Variants in COL4A5 observed in about 807,000 individuals in gnomAD.
The protein encoded by COL4A5 is collagen alpha-5(IV) chain.
Under a neutral mutation model 130.2 loss-of-function variants are expected in COL4A5, and 26 were observed. That is an observed-to-expected ratio of 0.20 (90% CI 0.15 to 0.28). COL4A5 has a LOEUF of 0.28. COL4A5 is among the 10% of genes least tolerant of loss of function. The probability of loss-of-function intolerance (pLI) is 1.00; values close to 1 mark genes in which losing one functional copy is unlikely to be tolerated. For missense variants in COL4A5, 1,131 were observed against 1,344.3 expected (o/e 0.84, Z 2.48); for synonymous variants, 496 against 439.6 (o/e 1.13, Z -1.60).
intron 49 of COL4A5, 83 bp downstream of exon 49, chrX:108,687,777 C>A: frequency 1.2e-6 from 1 of 863,411 alleles, no homozygotes; most frequent in Non-Finnish European, 1.7e-6. Flanking sequence ...TAGCCTTGGC[C>A]AAAGTGCCTC....
At chrX:108,529,428 C>T (rs1410422945) in intron 1 of COL4A5, among the ~76,000 whole-genome samples, 2 of 110,603 alleles carry the variant, frequency 1.8e-5, no homozygotes, top group Non-Finnish European at 3.8e-5. Context: ...AGGACTGAAG[C>T]GGTAACACTA....
At chrX:108,634,137 A>T (rs1368078736) in intron 36 of COL4A5, among the ~76,000 whole-genome samples, 1 of 109,668 alleles carries the variant, frequency 9.1e-6, no homozygotes, top group Non-Finnish European at 1.9e-5. Flanking sequence ...CTTGTCTCCC[A>T]GTGATAAAGC....
chrX:108,594,014 A>G (rs1453027818), intron 21 of COL4A5, among the ~76,000 whole-genome samples: 1 of 111,759 alleles, frequency 8.9e-6, no homozygotes, highest in Non-Finnish European at 1.9e-5. Flanking sequence ...TCCTATCCAG[A>G]TATAACTCTT....
chrX:108,573,471 T>G, intron 8 of COL4A5, 103 bp from the exon 9 acceptor site: 1 of 595,140 alleles, frequency 1.7e-6, no homozygotes, highest in Non-Finnish European at 3.0e-6. Flanking sequence ...AATCTTTTAG[T>G]ACATCTCTGT....
intron 1 of COL4A5, among the ~76,000 whole-genome samples, chrX:108,462,259 T>A (rs921553951): frequency 3.6e-5 from 4 of 111,861 alleles, no homozygotes; most frequent in Non-Finnish European, 3.8e-5. Context: ...TATTTTCTGT[T>A]ACCTACAGAG....
rs1237723315 is a variant in COL4A5, at chrX:108,581,398, G to A, written c.936+371G>A. Among the ~76,000 whole-genome samples the A allele has an allele frequency of 6.3e-5, 7 of 111,461 alleles. No homozygotes were observed. In the East Asian group the frequency reaches 2.0e-3, roughly 31 times the overall value. Reference sequence around the variant, plus strand: ...TCTATTTTTTAAAGTCAGATTTATTGAGATATAATTTACATAAAGTAAAAG... The same window carrying A: ...TCTATTTTTTAAAGTCAGATTTATTAAGATATAATTTACATAAAGTAAAAG... On this transcript the variant is annotated intron_variant, in intron 16 of 52. Coordinates refer to ENST00000328300, the MANE Select transcript of COL4A5 (RefSeq NM_033380.3).
chrX:108,689,546 A>G, intron 49 of COL4A5: 1 of 754,441 alleles, frequency 1.3e-6, no homozygotes, highest in Non-Finnish European at 1.6e-6. Flanking sequence ...GGCCTCAGAC[A>G]CAGGAAGGCC....
intron 17 of COL4A5, among the ~76,000 whole-genome samples, chrX:108,584,147 T>C (rs1271564516): frequency 9.1e-6 from 1 of 109,634 alleles, no homozygotes; most frequent in Non-Finnish European, 1.9e-5. Context: ...TTATCTTCTT[T>C]ATAGAGTATT....
chrX:108,674,703 T>C (rs761676367), intron 42 of COL4A5, 42 bp from the exon 43 acceptor site: 5 of 1,189,911 alleles, frequency 4.2e-6, no homozygotes, highest in Non-Finnish European at 5.7e-6. Context: ...CTGATACTGC[T>C]AACATCGATC....
chrX:108,674,721 T>C, intron 42 of COL4A5, 24 bp from the exon 43 acceptor site: 1 of 1,203,440 alleles, frequency 8.3e-7, no homozygotes, highest in Non-Finnish European at 1.1e-6. Context: ...ATCTTTGGGC[T>C]TTGGTGAACT....
intron 4 of COL4A5, among the ~76,000 whole-genome samples, chrX:108,566,394 C>G (rs73526278): frequency 0.1 from 11,520 of 110,585 alleles, 1,305 homozygotes; most frequent in African/African-American, 0.34. Flanking sequence ...ATTGATCTTT[C>G]ATAACTTCTC....
chrX:108,620,810 T>G (rs186780322), intron 31 of COL4A5, among the ~76,000 whole-genome samples: 6 of 111,411 alleles, frequency 5.4e-5, no homozygotes, highest in South Asian at 7.7e-4. Context: ...GACATCTGGG[T>G]GTTCATTAGC....
intron 36 of COL4A5, among the ~76,000 whole-genome samples, chrX:108,629,275 G>A (rs968471398): frequency 2.7e-5 from 3 of 111,476 alleles, no homozygotes; most frequent in South Asian, 3.8e-4. Context: ...TGAGTGAATC[G>A]GGGAGCAAAT....
chrX:108,458,713 G>T (rs185732075), intron 1 of COL4A5, among the ~76,000 whole-genome samples: 3 of 112,034 alleles, frequency 2.7e-5, no homozygotes, highest in Non-Finnish European at 5.6e-5. Flanking sequence ...GGGTGCGGTG[G>T]CTCACGCCTG....
intron 1 of COL4A5, among the ~76,000 whole-genome samples, chrX:108,512,946 A>G (rs996119685): frequency 1.3e-4 from 14 of 111,129 alleles, no homozygotes; most frequent in Admixed American, 3.8e-4. Context: ...AGTTTCGACC[A>G]TAGAAGACGG....
At chrX:108,679,571 A>AT (rs1176738944) in intron 44 of COL4A5, among the ~76,000 whole-genome samples, 3 of 111,401 alleles carry the variant, frequency 2.7e-5, no homozygotes, top group Non-Finnish European at 3.8e-5. Flanking sequence ...CCCTCCAACT[A>AT]TTTTTTTAGC....
intron 1 of COL4A5, among the ~76,000 whole-genome samples, chrX:108,451,513 T>C (rs1364499081): frequency 8.1e-5 from 9 of 111,779 alleles, no homozygotes; most frequent in Middle Eastern, 4.6e-3. Flanking sequence ...CCTGCTGTTT[T>C]CTGACTTTTT....
At chrX:108,607,722 T>G (rs2066759555) in intron 29 of COL4A5, among the ~76,000 whole-genome samples, 1 of 111,129 alleles carries the variant, frequency 9.0e-6, no homozygotes, top group South Asian at 3.8e-4. Context: ...AACTTCGTGA[T>G]CCGCCCGCCT....
At position 108,586,622 on chromosome X, in the gene COL4A5, C is replaced by T. The variant is rs374023101; in HGVS notation, c.1040C>T (p.Pro347Leu). The T allele has an allele frequency of 1.0e-5, 12 of 1,203,047 alleles. No homozygotes were observed. In the Admixed American group the frequency reaches 1.5e-4, roughly 15 times the overall value. Residue 347 changes from proline (P) to leucine (L), a missense_variant, in exon 19 of 53, where the codon CCT becomes CTT. Coordinates refer to ENST00000328300, the MANE Select transcript of COL4A5 (RefSeq NM_033380.3). ...GPPGPPGLVIPRPGTGITIGE... is the reference protein window; with the variant it reads ...GPPGPPGLVILRPGTGITIGE... ...TTTTCTTTGGTAATAAAGGTAATTC[C>T]TAGACCTGGGACTGGTATAACTATA... is the stretch of plus-strand genomic sequence containing the variant.
Sources: gnomAD v4.1 joint callset for allele counts (sites outside exome capture counted in the v4.1 genomes callset) on GRCh38, gnomAD v4.1.1 for gene constraint, MANE v1.5 for transcripts, NCBI Gene and HGNC (gene_info 2026-07-23, HGNC 2026-07-21) for gene names.